The following SCLT1 variants were observed in gnomAD, a reference collection of about 807,000 sequenced individuals.
SCLT1 encodes sodium channel-associated protein 1.
Under a neutral mutation model 112.8 loss-of-function variants are expected in SCLT1, and 78 were observed. The ratio of observed to expected loss-of-function variants is 0.69; its 90% CI spans 0.58 to 0.83. SCLT1 has a LOEUF of 0.83. Among genes scored for constraint, SCLT1 ranks in the 40% least tolerant of loss-of-function variants. SCLT1 has a pLI of 0.00. For missense variants in SCLT1, 747 were observed against 770.4 expected (o/e 0.97, Z 0.36); for synonymous variants, 257 against 254.7 (o/e 1.01, Z -0.09).
chr4:128,912,203 A>G (rs1279685454), intron 18 of SCLT1, among the ~76,000 whole-genome samples: 2 of 152,186 alleles, frequency 1.3e-5, no homozygotes, highest in East Asian at 1.9e-4. Context: ...ATTTATTATT[A>G]ATTAAAGACC....
At chr4:128,884,560 C>T (rs376823867) in intron 20 of SCLT1, 21 bp from the exon 21 acceptor site, 19 of 1,529,810 alleles carry the variant, frequency 1.2e-5, no homozygotes, top group Non-Finnish European at 1.4e-5. Context: ...AATAAACAAT[C>T]GGTAAGTAGT....
At chr4:128,942,861 T>A in intron 17 of SCLT1, 135 bp downstream of exon 17, 1 of 571,638 alleles carries the variant, frequency 1.7e-6, no homozygotes, top group East Asian at 2.9e-5. Context: ...GTTAACACTC[T>A]GAATTATGAT....
chr4:129,082,592 T>C (rs369399859), intron 1 of SCLT1, among the ~76,000 whole-genome samples: 1 of 151,850 alleles, frequency 6.6e-6, no homozygotes, highest in South Asian at 2.1e-4. Flanking sequence ...GTGAAAAAAA[T>C]AACATCTGCA....
At chr4:128,876,770 T>TGGGC (rs1185947941) in intron 3 of SCLT1, 1 of 152,270 alleles carries the variant, frequency 6.6e-6, no homozygotes, top group East Asian at 1.9e-4. Flanking sequence ...GATTGCTTAT[T>TGGGC]GGGCATCCCC....
intron 2 of SCLT1, among the ~76,000 whole-genome samples, chr4:129,077,937 C>T (rs1751604160): frequency 2.0e-5 from 3 of 152,178 alleles, no homozygotes; most frequent in Non-Finnish European, 1.5e-5. Context: ...GTCATATCAC[C>T]TCCTCTCTTA....
intron 18 of SCLT1, among the ~76,000 whole-genome samples, chr4:128,899,287 C>T (rs1340477242): frequency 6.6e-6 from 1 of 152,138 alleles, no homozygotes; most frequent in Admixed American, 6.5e-5. Flanking sequence ...AAAATACTGG[C>T]AAACCGAATC....
chr4:129,034,717 T>C lies in SCLT1; in HGVS notation c.290+4324A>G, dbSNP rs146953277. On this transcript the variant is annotated intron_variant, in intron 5 of 20. Coordinates refer to ENST00000281142, the MANE Select transcript of SCLT1 (RefSeq NM_144643.4). ...GTATTAGGGATTAGTAAACTTTTTA[T>C]GTAAAAGGCCAGAGAGTACATAAAT... Among the ~76,000 whole-genome samples the C allele has an allele frequency of 1.6e-3, 247 of 150,638 alleles. 2 individuals carry two copies. Among genetic ancestry groups the C allele is most frequent in the East Asian group, 0.013 (69 of 5,182 alleles).
chr4:128,968,177 C>T (rs1740375953), intron 10 of SCLT1, among the ~76,000 whole-genome samples: 1 of 152,122 alleles, frequency 6.6e-6, no homozygotes, highest in African/African-American at 2.4e-5. Context: ...GCTCCCATCC[C>T]CCTCCCTTTG....
At chr4:129,025,194 G>C (rs1471582248) in intron 5 of SCLT1, among the ~76,000 whole-genome samples, 2 of 152,102 alleles carry the variant, frequency 1.3e-5, no homozygotes, top group Non-Finnish European at 2.9e-5. Flanking sequence ...AGGAAATACA[G>C]AGAACACCAT....
intron 5 of SCLT1, among the ~76,000 whole-genome samples, chr4:129,038,396 A>ACTTGAAACT (rs2125691265): frequency 6.6e-6 from 1 of 152,278 alleles, no homozygotes; most frequent in East Asian, 1.9e-4. Context: ...AAACTCTTGC[A>ACTTGAAACT]CTTGTGTATG....
chr4:128,953,201 C>T (rs972850152), intron 13 of SCLT1, among the ~76,000 whole-genome samples: 1 of 152,180 alleles, frequency 6.6e-6, no homozygotes, highest in Non-Finnish European at 1.5e-5. Flanking sequence ...AAAGTAATTT[C>T]TTACCGATTA....
chr4:128,931,078 C>T (rs755224199), intron 18 of SCLT1, among the ~76,000 whole-genome samples: 29 of 151,046 alleles, frequency 1.9e-4, no homozygotes, highest in Non-Finnish European at 3.7e-4. Flanking sequence ...TAAATACAGG[C>T]ATAGGCATCT....
intron 5 of SCLT1, among the ~76,000 whole-genome samples, chr4:129,023,738 T>G (rs1484915241): frequency 2.6e-5 from 4 of 152,200 alleles, no homozygotes; most frequent in African/African-American, 9.6e-5. Context: ...GGCGAGGCAT[T>G]GCCTCACTCG....
intron 2 of SCLT1, among the ~76,000 whole-genome samples, chr4:129,059,797 T>C (rs906137489): frequency 6.6e-6 from 1 of 152,222 alleles, no homozygotes; most frequent in African/African-American, 2.4e-5. Context: ...CTTTGACTTT[T>C]GAAAATTTGT....
chr4:129,035,402 C>T (rs932065087), intron 5 of SCLT1, among the ~76,000 whole-genome samples: 2 of 152,130 alleles, frequency 1.3e-5, no homozygotes, highest in Non-Finnish European at 2.9e-5. Context: ...CACATGTCCA[C>T]TTCCAAACCA....
chr4:128,972,942 A>T lies in SCLT1; in HGVS notation c.687-2474T>A, dbSNP rs73847323. On this transcript the variant is annotated intron_variant, in intron 9 of 20. Coordinates refer to ENST00000281142, the MANE Select transcript of SCLT1 (RefSeq NM_144643.4). Reference sequence around the variant, plus strand: ...GTCTACACTCCTCTACTGGCATATAAGGCCAGTCAACATCTAGCCTCAAAG... The same window carrying T: ...GTCTACACTCCTCTACTGGCATATATGGCCAGTCAACATCTAGCCTCAAAG... Among the ~76,000 whole-genome samples, 573 of 152,336 alleles carry T rather than the reference A, an allele frequency of 3.8e-3. 1 individual carries two copies. Among genetic ancestry groups the T allele is most frequent in the African/African-American group, 0.011 (475 of 41,578 alleles).
At chr4:128,915,891 A>G (rs1735436589) in intron 18 of SCLT1, among the ~76,000 whole-genome samples, 1 of 152,242 alleles carries the variant, frequency 6.6e-6, no homozygotes, top group South Asian at 2.1e-4. Context: ...ATAAAACATA[A>G]TTACTGACAG....
chr4:128,960,182 C>G (rs1212217479), intron 11 of SCLT1, among the ~76,000 whole-genome samples: 4 of 152,120 alleles, frequency 2.6e-5, no homozygotes, highest in Non-Finnish European at 4.4e-5. Flanking sequence ...TCTCTCCTTT[C>G]ATACTCTCTA....
At chr4:129,032,068 G>A (rs566796525) in intron 5 of SCLT1, among the ~76,000 whole-genome samples, 2 of 151,864 alleles carry the variant, frequency 1.3e-5, no homozygotes, top group Non-Finnish European at 1.5e-5. Context: ...AAAAGATCAT[G>A]CCACCTGACT....
Sources: gnomAD v4.1 joint callset for allele counts (sites outside exome capture counted in the v4.1 genomes callset) on GRCh38, gnomAD v4.1.1 for gene constraint, MANE v1.5 for transcripts, NCBI Gene and HGNC (gene_info 2026-07-23, HGNC 2026-07-21) for gene names.